ENOPH1: variants seen among roughly 807,000 people sequenced by gnomAD.
The protein encoded by ENOPH1 is enolase-phosphatase E1.
A neutral mutation model predicts 31.1 loss-of-function variants in ENOPH1; 14 were observed. That is an observed-to-expected ratio of 0.45 (90% CI 0.30 to 0.70). ENOPH1 has a LOEUF of 0.70. ENOPH1 is among the 30% of genes least tolerant of loss of function. The pLI is 0.09. For synonymous variants in ENOPH1, 127 were observed against 123.2 expected, an observed-to-expected ratio of 1.03 and a Z score of -0.21; for missense variants, 243 against 321.5, an observed-to-expected ratio of 0.76 and a Z score of 1.87.
rs780368180 is a variant in ENOPH1 at position 82,430,845 on chromosome 4, G to A, written c.16G>A (p.Val6Ile). 2 of 1,614,160 alleles carry A rather than the reference G, an allele frequency of 1.2e-6. No homozygotes were observed. The highest frequency in any genetic ancestry group is 3.3e-5 in the Admixed American group (2 of 60,032). MVVLS[V>I]PAEVTVILLD... ...CGGTAGGGAAATGGTCGTGCTTTCG[G>A]TCCCCGCCGAAGTCACCGTGATCCT... The change falls in exon 1 of 6, where the codon GTC becomes ATC. Residue 6 changes from valine to isoleucine, a missense_variant. Coordinates refer to ENST00000273920, the MANE Select transcript of ENOPH1 (RefSeq NM_021204.5).
At chr4:82,441,438 C>T (rs1258843098) in intron 1 of ENOPH1, among the ~76,000 whole-genome samples, 2 of 152,008 alleles carry the variant, frequency 1.3e-5, no homozygotes, top group South Asian at 2.1e-4. Flanking sequence ...CTGTTTAACA[C>T]GGTGAAACCC....
chr4:82,460,251 G>A lies in ENOPH1; in HGVS notation c.*131G>A. Reference sequence around the variant, plus strand: ...TATGTATGCAAGTATGTATATATGTGTATGCTCAGATTAACTTCCATAGGT... The same window carrying A: ...TATGTATGCAAGTATGTATATATGTATATGCTCAGATTAACTTCCATAGGT... On this transcript the variant is annotated 3_prime_UTR_variant, in exon 6 of 6. Transcript: ENST00000273920. 2 of 854,854 alleles carry A rather than the reference G, an allele frequency of 2.3e-6. No homozygotes were observed. The highest frequency in any genetic ancestry group is 1.7e-5 in the African/African-American group (1 of 58,218). 53.0% of individuals were successfully genotyped at this position (854,854 alleles called of 1,614,324 possible).
At chr4:82,436,869 A>G (rs1277780519) in intron 1 of ENOPH1, among the ~76,000 whole-genome samples, 1 of 152,026 alleles carries the variant, frequency 6.6e-6, no homozygotes, top group Non-Finnish European at 1.5e-5. Context: ...TGTCATGTTC[A>G]TCCTGCTCTC....
At chr4:82,437,316 A>G (rs1261789397) in intron 1 of ENOPH1, among the ~76,000 whole-genome samples, 1 of 152,224 alleles carries the variant, frequency 6.6e-6, no homozygotes, top group Non-Finnish European at 1.5e-5. Context: ...AAAGGAAGAC[A>G]GTTACATAAA....
At chr4:82,447,859 A>G (rs976088197) in intron 1 of ENOPH1, 61 bp from the exon 2 acceptor site, 1 of 999,654 alleles carries the variant, frequency 1.0e-6, no homozygotes, top group Non-Finnish European at 1.5e-6. Flanking sequence ...TTGTGGAAGA[A>G]CTGGATCTTT....
At chr4:82,440,572 C>G (rs1348331514) in intron 1 of ENOPH1, among the ~76,000 whole-genome samples, 1 of 152,198 alleles carries the variant, frequency 6.6e-6, no homozygotes, top group Non-Finnish European at 1.5e-5. Flanking sequence ...TTCCTTTCCC[C>G]TCCACTGTTA....
intron 3 of ENOPH1, among the ~76,000 whole-genome samples, chr4:82,451,619 G>A (rs1005313860): frequency 6.6e-6 from 1 of 152,172 alleles, no homozygotes; most frequent in Non-Finnish European, 1.5e-5. Context: ...TGCTCTATGA[G>A]ACATAGGAAA....
intron 1 of ENOPH1, among the ~76,000 whole-genome samples, chr4:82,445,005 C>T (rs956728808): frequency 1.3e-4 from 20 of 152,094 alleles, no homozygotes; most frequent in African/African-American, 3.9e-4. Context: ...ATTGCTTAAG[C>T]TCAGGAGTTC....
intron 3 of ENOPH1, among the ~76,000 whole-genome samples, chr4:82,453,934 A>C (rs758366337): frequency 7.9e-5 from 12 of 152,162 alleles, no homozygotes; most frequent in Non-Finnish European, 1.5e-4. Flanking sequence ...GGCCGGGTGC[A>C]GTGGCTCATG....
intron 2 of ENOPH1, among the ~76,000 whole-genome samples, chr4:82,450,462 AC>A (rs1448379744): frequency 1.3e-5 from 2 of 152,230 alleles, no homozygotes; most frequent in African/African-American, 2.4e-5. Context: ...GTTGAAACAT[AC>A]ATACATAGTC....
chr4:82,454,816 C>T lies in ENOPH1; in HGVS notation c.484C>T (p.Leu162=), dbSNP rs746313518. Residue 162 remains leucine, a synonymous_variant, in exon 4 of 6, where the codon CTG becomes TTG. Coordinates refer to ENST00000273920, the MANE Select transcript of ENOPH1 (RefSeq NM_021204.5). ...YSSGSVEAQK[L]LFGHSTEGDI... is the part of the protein sequence containing the mutation. ...CTCAGGGAGTGTGGAGGCACAGAAA[C>T]TGTTATTCGGGCATTCTACGGAGGG... is the stretch of plus-strand genomic sequence containing the variant. 7 of 1,613,716 alleles carry T rather than the reference C, an allele frequency of 4.3e-6. No homozygotes were observed. The highest frequency in any genetic ancestry group is 3.3e-5 in the Admixed American group (2 of 59,824).
At chr4:82,444,136 A>T (rs911823575) in intron 1 of ENOPH1, among the ~76,000 whole-genome samples, 2 of 152,162 alleles carry the variant, frequency 1.3e-5, no homozygotes, top group African/African-American at 4.8e-5. Flanking sequence ...CGGCCTCCCA[A>T]AGTGCTGGGA....
chr4:82,431,110 T>TC (rs1721741464), intron 1 of ENOPH1, among the ~76,000 whole-genome samples, 197 bp downstream of exon 1: 1 of 152,070 alleles, frequency 6.6e-6, no homozygotes, highest in South Asian at 2.1e-4. Context: ...AGCTTCTCCC[T>TC]CCCCCGCCCT....
intron 1 of ENOPH1, among the ~76,000 whole-genome samples, chr4:82,434,764 G>A (rs1271434675): frequency 6.6e-6 from 1 of 151,884 alleles, no homozygotes; most frequent in African/African-American, 2.4e-5. Flanking sequence ...AAAATTAGCT[G>A]GGCATGGTGG....
intron 1 of ENOPH1, among the ~76,000 whole-genome samples, chr4:82,444,865 A>G (rs983421774): frequency 1.3e-5 from 2 of 152,198 alleles, no homozygotes; most frequent in Non-Finnish European, 2.9e-5. Context: ...TTATTGTAGC[A>G]TATTTGTCAT....
chr4:82,451,191 A>G lies in ENOPH1; in HGVS notation c.335A>G (p.Gln112Arg). 6.2e-7 allele frequency: 1 copy of G among 1,614,244 alleles called. No individual in the cohort carries two copies. Among genetic ancestry groups the G allele is most frequent in the African/African-American group, 1.3e-5 (1 of 75,062 alleles). The change falls in exon 3 of 6, where the codon CAG (glutamine) becomes CGG (arginine). Residue 112 changes from glutamine (Q) to arginine (R), a missense_variant. Coordinates refer to ENST00000273920, the MANE Select transcript of ENOPH1 (RefSeq NM_021204.5). ...GATCGAAAGACCACTGCACTCAAAC[A>G]GCTGCAGGGCCACATGTGGAGGGCG... ...SLDRKTTALK[Q>R]LQGHMWRAAF...
intron 4 of ENOPH1, 111 bp downstream of exon 4, chr4:82,454,965 T>TA: frequency 1.0e-6 from 1 of 965,168 alleles, no homozygotes; most frequent in Non-Finnish European, 1.5e-6. Context: ...TTTGGTTGTT[T>TA]AAAATTAGGT....
At chr4:82,436,421 C>T (rs1437406178) in intron 1 of ENOPH1, among the ~76,000 whole-genome samples, 2 of 152,130 alleles carry the variant, frequency 1.3e-5, no homozygotes, top group African/African-American at 4.8e-5. Flanking sequence ...CTTGGTGGCT[C>T]ACACTTGTAA....
At chr4:82,443,455 G>A (rs972020926) in intron 1 of ENOPH1, among the ~76,000 whole-genome samples, 15 of 150,666 alleles carry the variant, frequency 1.0e-4, no homozygotes, top group East Asian at 6.0e-4. Flanking sequence ...GGGGCTGGGC[G>A]CGGTGGCTCA....
Sources: gnomAD v4.1 joint callset for allele counts (sites outside exome capture counted in the v4.1 genomes callset) on GRCh38, gnomAD v4.1.1 for gene constraint, MANE v1.5 for transcripts, NCBI Gene and HGNC (gene_info 2026-07-23, HGNC 2026-07-21) for gene names.